ERN1: variants seen among roughly 807,000 people sequenced by gnomAD.
The protein encoded by ERN1 is serine/threonine-protein kinase/endoribonuclease IRE1.
In ERN1, 39 loss-of-function variants were observed where a neutral mutation model predicts 113.1. That is an observed-to-expected ratio of 0.34 (90% CI 0.27 to 0.45). The LOEUF (loss-of-function observed/expected upper bound fraction) is 0.45. Ranked by LOEUF, ERN1 falls within the 20% of genes least tolerant of loss-of-function variation. ERN1 has a pLI of 1.00. For missense variants in ERN1, 976 were observed against 1,274.8 expected, an observed-to-expected ratio of 0.77 and a Z score of 3.57; for synonymous variants, 507 against 515.9, an observed-to-expected ratio of 0.98 and a Z score of 0.23.
At chr17:64,062,501 C>T (rs1913084853) in intron 10 of ERN1, among the ~76,000 whole-genome samples, 1 of 152,206 alleles carries the variant, frequency 6.6e-6, no homozygotes, top group South Asian at 2.1e-4. Flanking sequence ...ATTGTGGGAT[C>T]CTTACACTTA....
In ERN1 at chr17:64,060,523, G is replaced by C. The variant is rs779252435; in HGVS notation, c.1152C>G (p.Pro384=). 6.2e-7 allele frequency: 1 copy of C among 1,613,930 alleles called. No individual in the cohort carries two copies. Among genetic ancestry groups the C allele is most frequent in the Non-Finnish European group, 8.5e-7 (1 of 1,179,820 alleles). Residue 384 remains proline (P), a synonymous_variant, in exon 11 of 22, where the codon CCC becomes CCG. Transcript: ENST00000433197. ...CAGGAATCACATTTTCCCGATGTTT[G>C]GGTAGATTGTTGGGAAATCTCTCCA... ...KMLERFPNNL[P]KHRENVIPAD...
intron 3 of ERN1, 155 bp downstream of exon 3, chr17:64,080,620 A>G (rs2052626719): frequency 1.6e-6 from 1 of 639,112 alleles, no homozygotes; most frequent in Non-Finnish European, 2.6e-6. Context: ...CCTCAACACA[A>G]GCTTTCATCA....
intron 6 of ERN1, 57 bp downstream of exon 6, chr17:64,071,924 C>T (rs1913432454): frequency 3.2e-6 from 5 of 1,544,140 alleles, no homozygotes; most frequent in East Asian, 2.4e-5. Context: ...GGCTGGGGAG[C>T]TTCTTCCGAT....
Position 64,068,302 on chromosome 17 carries a change from C to CA in ERN1, c.479-12dup. ...TGGTGATGGTGTATTCTAAAGAACA[C>CA]AGACCAGCCAGCCCATTACCACGGA... On this transcript the variant is annotated splice_polypyrimidine_tract_variant and intron_variant, in intron 6 of 21. Transcript: ENST00000433197. 1 of 1,596,820 alleles carries CA rather than the reference C, an allele frequency of 6.3e-7. No homozygotes were observed. The highest frequency in any genetic ancestry group is 8.6e-7 in the Non-Finnish European group (1 of 1,168,210).
At chr17:64,113,675 G>A (rs1436493352) in intron 1 of ERN1, among the ~76,000 whole-genome samples, 1 of 148,632 alleles carries the variant, frequency 6.7e-6, no homozygotes, top group Non-Finnish European at 1.5e-5. Context: ...ATGCCGCCAG[G>A]CAATTTTTTT....
At chr17:64,052,341 TA>T (rs1223469361) in intron 17 of ERN1, among the ~76,000 whole-genome samples, 1 of 151,982 alleles carries the variant, frequency 6.6e-6, no homozygotes, top group Non-Finnish European at 1.5e-5. Context: ...AAAAAGGGGT[TA>T]AAAAGTGATT....
chr17:64,123,708 A>G (rs1464390451), intron 1 of ERN1, among the ~76,000 whole-genome samples: 2 of 152,188 alleles, frequency 1.3e-5, no homozygotes, highest in Non-Finnish European at 2.9e-5. Flanking sequence ...AACTCATTCA[A>G]GAGTTTAGCA....
intron 1 of ERN1, among the ~76,000 whole-genome samples, chr17:64,112,981 C>T (rs1348414037): frequency 6.6e-6 from 1 of 152,172 alleles, no homozygotes; most frequent in Non-Finnish European, 1.5e-5. Context: ...CTGAAAGAAA[C>T]CTCTGGGAAT....
chr17:64,047,343 C>T (rs1053675004), intron 19 of ERN1, among the ~76,000 whole-genome samples: 5 of 152,072 alleles, frequency 3.3e-5, no homozygotes, highest in East Asian at 1.9e-4. Context: ...GCCTGGGTAA[C>T]GGAGTGAAAC....
intron 1 of ERN1, chr17:64,102,850 TAA>T (rs1175042339): frequency 3.0e-6 from 3 of 985,224 alleles, no homozygotes; most frequent in Non-Finnish European, 1.2e-6. Flanking sequence ...TGTTTCAAGT[TAA>T]CAACCATTTG....
intron 1 of ERN1, among the ~76,000 whole-genome samples, chr17:64,106,590 T>C (rs1268387247): frequency 6.6e-6 from 1 of 152,128 alleles, no homozygotes; most frequent in Admixed American, 6.5e-5. Context: ...TAATGGCAAA[T>C]AGACTGGATT....
intron 12 of ERN1, among the ~76,000 whole-genome samples, chr17:64,057,425 G>A (rs1218623663): frequency 1.3e-5 from 2 of 150,802 alleles, no homozygotes; most frequent in East Asian, 3.9e-4. Flanking sequence ...CTGGAGTGCA[G>A]TGGTGTGATC....
chr17:64,056,684 C>T (rs1912881406), intron 12 of ERN1, among the ~76,000 whole-genome samples: 1 of 152,196 alleles, frequency 6.6e-6, no homozygotes, highest in African/African-American at 2.4e-5. Flanking sequence ...GCCACCAACC[C>T]ACCAGGGAGT....
chr17:64,046,978 C>T (rs1185425264), intron 19 of ERN1, among the ~76,000 whole-genome samples: 3 of 152,224 alleles, frequency 2.0e-5, no homozygotes, highest in Non-Finnish European at 4.4e-5. Context: ...TCTAACTTTG[C>T]AGAACCTATT....
At position 64,129,987 on chromosome 17, in the gene ERN1, G is replaced by GCAGCAGCAGCGT. The variant is rs1160179712; in HGVS notation, c.31_42dup (p.Thr11_Leu14dup). On this transcript the variant is annotated inframe_insertion, in exon 1 of 22. Coordinates refer to ENST00000433197, the MANE Select transcript of ERN1 (RefSeq NM_001433.5). ...CCCCGGTCACTCACCCCGAGGCCGG[G>GCAGCAGCAGCGT]CAGCAGCAGCGTCAGCAGCAGCAGC... The GCAGCAGCAGCGT allele has an allele frequency of 1.4e-5, 21 of 1,448,356 alleles. No individual in the cohort carries two copies. Among genetic ancestry groups the GCAGCAGCAGCGT allele is most frequent in the Non-Finnish European group, 1.8e-5 (20 of 1,106,432 alleles). The allele number at this position is 1,448,356 out of a possible 1,614,324, so 89.7% of individuals were successfully genotyped here.
At position 64,044,009 on chromosome 17, in the gene ERN1, T is replaced by TG. The variant is rs1400248853; in HGVS notation, c.2912dup (p.Val972SerfsTer31). The TG allele has an allele frequency of 6.2e-7, 1 of 1,611,728 alleles. No homozygotes were observed. The highest frequency in any genetic ancestry group is 8.5e-7 in the Non-Finnish European group (1 of 1,178,866). The stretch of plus-strand genomic sequence containing the variant: ...TCGCTCAGAGGGCGTCTGGAGTCAC[T>TG]GGGGGCTGGGGCTCTGGGGGCTCGT... On this transcript the variant is annotated frameshift_variant, in exon 22 of 22. Transcript: ENST00000433197. LOFTEE classifies it high-confidence loss of function. The surrounding 1 kb of genome is among the most constrained non-coding windows in gnomAD (Gnocchi z 4.1).
intron 16 of ERN1, 130 bp downstream of exon 16, chr17:64,053,142 A>T: frequency 2.2e-6 from 2 of 906,746 alleles, no homozygotes; most frequent in South Asian, 1.7e-5. Context: ...TACACCACTC[A>T]TCTTTGCTAC....
intron 1 of ERN1, among the ~76,000 whole-genome samples, chr17:64,109,533 C>T (rs1005026118): frequency 1.3e-5 from 2 of 152,216 alleles, no homozygotes; most frequent in African/African-American, 4.8e-5. Context: ...CCGGCCCAGG[C>T]CACCATACCA....
chr17:64,077,494 C>T (rs889606512), intron 4 of ERN1, among the ~76,000 whole-genome samples: 1 of 151,704 alleles, frequency 6.6e-6, no homozygotes. Flanking sequence ...ACTCGTTTTT[C>T]CTGTTTTTGG....
Sources: gnomAD v4.1 joint callset for allele counts (sites outside exome capture counted in the v4.1 genomes callset) on GRCh38, gnomAD v4.1.1 for gene constraint, Gnocchi (gnomAD v3.1) non-coding constraint, MANE v1.5 for transcripts, NCBI Gene and HGNC (gene_info 2026-07-23, HGNC 2026-07-21) for gene names.